The following FAF1 variants were observed in gnomAD, a reference collection of about 807,000 sequenced individuals.
FAF1 encodes the protein Fas associated factor 1, also known as FAS-associated factor 1.
FAF1 carries 25 observed loss-of-function variants against 92.5 expected under a neutral mutation model. The ratio of observed to expected loss-of-function variants is 0.27; its 90% CI spans 0.20 to 0.38. FAF1 has a LOEUF of 0.38. Among genes scored for constraint, FAF1 ranks in the 10% least tolerant of loss-of-function variants. The pLI is 1.00. For missense variants in FAF1, 636 were observed against 793.3 expected, an observed-to-expected ratio of 0.80 and a Z score of 2.38; for synonymous variants, 234 against 273.2, an observed-to-expected ratio of 0.86 and a Z score of 1.42.
chr1:50,837,819 C>T (rs1644222346), intron 2 of FAF1, among the ~76,000 whole-genome samples: 2 of 151,748 alleles, frequency 1.3e-5, no homozygotes, highest in Admixed American at 1.3e-4. Context: ...CCTCAGCTCA[C>T]TGCAACCTCT....
At chr1:50,658,668 C>T (rs894052251) in intron 7 of FAF1, among the ~76,000 whole-genome samples, 3 of 152,162 alleles carry the variant, frequency 2.0e-5, no homozygotes, top group African/African-American at 7.2e-5. Context: ...TTGTTCTCCC[C>T]AGAATGACAT....
At chr1:50,525,203 A>C (rs565838112) in intron 15 of FAF1, among the ~76,000 whole-genome samples, 41 of 152,264 alleles carry the variant, frequency 2.7e-4, no homozygotes, top group Admixed American at 2.5e-3. Flanking sequence ...GTATTTTAAA[A>C]GTTTTTTTCT....
At chr1:50,594,989 G>C (rs767440600) in intron 9 of FAF1, among the ~76,000 whole-genome samples, 10 of 151,418 alleles carry the variant, frequency 6.6e-5, no homozygotes, top group Non-Finnish European at 1.2e-4. Flanking sequence ...GTTTCTTTAG[G>C]ACCCCTGTGT....
chr1:50,582,882 T>C lies in FAF1; in HGVS notation c.1032-183A>G, dbSNP rs150697495. On this transcript the variant is annotated intron_variant, in intron 11 of 18. Transcript: ENST00000396153. ...GGTTTTTAGAATTCTTCTTGGCCTA[T>C]ACTGATATACTAAAATACTGGAATT... Among the ~76,000 whole-genome samples, 221 of 152,264 alleles carry C rather than the reference T, an allele frequency of 1.5e-3. 1 individual carries two copies. Among genetic ancestry groups the C allele is most frequent in the African/African-American group, 5.0e-3 (206 of 41,570 alleles).
At chr1:50,653,034 C>A (rs10888703) in intron 8 of FAF1, among the ~76,000 whole-genome samples, 13,966 of 152,110 alleles carry the variant, frequency 0.092, 819 homozygotes, top group African/African-American at 0.17. Flanking sequence ...AGTTCTTAGA[C>A]AATACTGAGA....
Position 50,671,927 on chromosome 1 carries a change from C to A in FAF1, c.658-16399G>T, listed in dbSNP as rs148473203. Among the ~76,000 whole-genome samples, 677 of 151,986 alleles carry A rather than the reference C, an allele frequency of 4.5e-3. 8 individuals carry two copies. The highest frequency in any genetic ancestry group is 0.015 in the African/African-American group (613 of 41,472). On this transcript the variant is annotated intron_variant, in intron 7 of 18. Transcript: ENST00000396153. The stretch of plus-strand genomic sequence containing the variant: ...ATTCATCTGATCCTCCTGCCTCAGC[C>A]TCCTGAGTAGGTAGGACAGGTACAT...
intron 6 of FAF1, among the ~76,000 whole-genome samples, chr1:50,707,202 C>CAAAA (rs397862445): frequency 1.7e-4 from 18 of 106,846 alleles, no homozygotes; most frequent in African/African-American, 5.6e-4. Context: ...GACTCTGTGT[C>CAAAA]AAAAAAAAAA....
intron 14 of FAF1, among the ~76,000 whole-genome samples, chr1:50,539,088 T>C (rs1018961675): frequency 1.3e-5 from 2 of 152,242 alleles, no homozygotes; most frequent in Admixed American, 1.3e-4. Context: ...GAATGTGCAC[T>C]GTGGTTAAAT....
chr1:50,941,599 C>T (rs1645133680), intron 1 of FAF1, among the ~76,000 whole-genome samples: 1 of 152,156 alleles, frequency 6.6e-6, no homozygotes, highest in African/African-American at 2.4e-5. Context: ...CTCAATCGAT[C>T]CTCCCACCTT....
At chr1:50,952,800 C>T (rs6703250) in intron 1 of FAF1, among the ~76,000 whole-genome samples, 76,931 of 150,202 alleles carry the variant, frequency 0.51, 21,441 homozygotes, top group East Asian at 0.82. Flanking sequence ...CCCGGCCGCC[C>T]CGTCTGGGAA....
At chr1:50,899,363 GA>G (rs2124707982) in intron 1 of FAF1, among the ~76,000 whole-genome samples, 1 of 152,176 alleles carries the variant, frequency 6.6e-6, no homozygotes, top group African/African-American at 2.4e-5. Flanking sequence ...TTTTTCTCAT[GA>G]TTATGGGTCA....
chr1:50,561,327 T>C (rs2149052623), intron 13 of FAF1, among the ~76,000 whole-genome samples: 1 of 152,278 alleles, frequency 6.6e-6, no homozygotes, highest in East Asian at 1.9e-4. Flanking sequence ...GTATCCAGTC[T>C]GAACATTTTT....
intron 1 of FAF1, among the ~76,000 whole-genome samples, chr1:50,890,711 G>C (rs1025234236): frequency 3.3e-5 from 5 of 152,160 alleles, no homozygotes; most frequent in Non-Finnish European, 5.9e-5. Context: ...CTGGCTTGTA[G>C]AGTTTCTGTC....
chr1:50,644,058 C>A (rs1048742798), intron 8 of FAF1, among the ~76,000 whole-genome samples: 36 of 152,306 alleles, frequency 2.4e-4, no homozygotes, highest in African/African-American at 8.4e-4. Context: ...TTTCTTTTGA[C>A]TGACTTCTTT....
intron 9 of FAF1, among the ~76,000 whole-genome samples, chr1:50,588,788 C>G (rs1651365758): frequency 6.6e-6 from 1 of 152,194 alleles, no homozygotes; most frequent in African/African-American, 2.4e-5. Context: ...CCATGGCTAG[C>G]AACAATGAAG....
chr1:50,884,723 T>G (rs1270705737), intron 1 of FAF1, among the ~76,000 whole-genome samples: 2 of 152,124 alleles, frequency 1.3e-5, no homozygotes, highest in Non-Finnish European at 2.9e-5. Flanking sequence ...TAGTTTTTTT[T>G]GGTTTGTTTT....
intron 4 of FAF1, among the ~76,000 whole-genome samples, chr1:50,746,292 A>ATTT (rs1165741663): frequency 8.8e-5 from 2 of 22,680 alleles, no homozygotes; most frequent in African/African-American, 2.3e-4. Flanking sequence ...ATATATATAT[A>ATTT]TTTTTTTTTT....
intron 1 of FAF1, among the ~76,000 whole-genome samples, chr1:50,958,125 T>A (rs1645284414): frequency 6.6e-6 from 1 of 152,070 alleles, no homozygotes; most frequent in South Asian, 2.1e-4. Context: ...GCAAGGCCCA[T>A]CTCTAAAAAA....
At chr1:50,469,015 G>A (rs1646536116) in intron 18 of FAF1, among the ~76,000 whole-genome samples, 1 of 152,172 alleles carries the variant, frequency 6.6e-6, no homozygotes, top group East Asian at 1.9e-4. Context: ...TAATTAGGTT[G>A]CTGTTGTGTC....
Sources: allele counts gnomAD v4.1 joint callset (sites outside exome capture counted in the v4.1 genomes callset), GRCh38; gene constraint gnomAD v4.1.1; transcripts MANE v1.5; gene names NCBI Gene and HGNC (gene_info 2026-07-23, HGNC 2026-07-21).